The following ANKFN1 variants were observed in gnomAD, a reference collection of about 807,000 sequenced individuals.
The protein encoded by ANKFN1 is ankyrin repeat and fibronectin type-III domain-containing protein 1.
Under a neutral mutation model 108.7 loss-of-function variants are expected in ANKFN1, and 74 were observed. The observed-to-expected ratio is 0.68, with a 90% CI of 0.56 to 0.83. ANKFN1 has a LOEUF of 0.83. ANKFN1 is among the 40% of genes least tolerant of loss of function. The probability of loss-of-function intolerance (pLI) is 0.00; values close to 1 mark genes in which losing one functional copy is unlikely to be tolerated. For synonymous variants in ANKFN1, 547 were observed against 516.2 expected (o/e 1.06, Z -0.81); for missense variants, 1,505 against 1,382.3 (o/e 1.09, Z -1.41).
chr17:56,503,520 T>G (rs1272990467), intron 20 of ANKFN1, among the ~76,000 whole-genome samples: 3 of 116,208 alleles, frequency 2.6e-5, no homozygotes, highest in East Asian at 2.7e-4. Flanking sequence ...TATATATATA[T>G]ATATATATAG....
chr17:56,250,399 A>G (rs1049023303), intron 3 of ANKFN1, among the ~76,000 whole-genome samples: 1 of 152,240 alleles, frequency 6.6e-6, no homozygotes, highest in African/African-American at 2.4e-5. Flanking sequence ...TGCCATAGGC[A>G]CACTAGGGGA....
intron 1 of ANKFN1, among the ~76,000 whole-genome samples, chr17:56,198,703 C>T (rs1017338269): frequency 2.0e-5 from 3 of 152,060 alleles, no homozygotes; most frequent in South Asian, 2.1e-4. Context: ...CTATTTATAA[C>T]GCCTTTTCTT....
At position 56,374,593 on chromosome 17, in the gene ANKFN1, T is replaced by G. The variant is rs750043753; in HGVS notation, c.797-8T>G. On this transcript the variant is annotated splice_region_variant and splice_polypyrimidine_tract_variant and intron_variant, in intron 7 of 20. Transcript: ENST00000682825. ...GTTAAGATCCTTGTGTTTTTCCTTC[T>G]GTCCCAGGAGCCCCTGAGATGCCAA... 1.9e-6 allele frequency: 3 copies of G among 1,603,410 alleles called. No individual in the cohort carries two copies. The highest frequency in any genetic ancestry group is 2.7e-5 in the African/African-American group (2 of 74,616).
At chr17:56,277,595 TA>T (rs1443743534) in intron 3 of ANKFN1, among the ~76,000 whole-genome samples, 1 of 152,058 alleles carries the variant, frequency 6.6e-6, no homozygotes, top group African/African-American at 2.4e-5. Context: ...CATTAAAGAT[TA>T]AAAAACTGGT....
At chr17:56,079,867 A>AGTTG (rs1905224701) in intron 4 of ANKFN1, among the ~76,000 whole-genome samples, 1 of 152,216 alleles carries the variant, frequency 6.6e-6, no homozygotes, top group Non-Finnish European at 1.5e-5. Context: ...AACCTCTGTA[A>AGTTG]GGTGGGAGGT....
chr17:56,390,698 A>T (rs577847825), intron 8 of ANKFN1, among the ~76,000 whole-genome samples: 13 of 152,188 alleles, frequency 8.5e-5, no homozygotes, highest in African/African-American at 3.1e-4. Context: ...CCACATCCTC[A>T]CCAGCATCTG....
Position 56,147,696 on chromosome 17 carries a change from C to A in ANKFN1, c.289-80221C>A, listed in dbSNP as rs187625640. 1.1e-3 allele frequency among the ~76,000 whole-genome samples: 164 copies of A among 152,224 alleles called. 3 individuals are homozygous for A. Among genetic ancestry groups the A allele is most frequent in the Non-Finnish European group, 3.4e-4 (23 of 68,002 alleles). On this transcript the variant is annotated intron_variant, in intron 4 of 12. Transcript: ENST00000635860. The stretch of plus-strand genomic sequence containing the variant: ...GATGAGATTTTGGTGGGGACACAGC[C>A]AAAATTTATCACTGTACTTTTCATT...
chr17:56,510,812 G>A lies in ANKFN1; in HGVS notation c.2984G>A (p.Gly995Asp), dbSNP rs1003052097. ...GTGTCCGGTGGGCGGCCCCCGCTAG[G>A]CTTCCTGGGAAAGCGGAAGCCAGGC... ...KTVSGGRPPL[G>D]FLGKRKPGKH... The change falls in exon 21 of 21, where the codon GGC (glycine) becomes GAC (aspartate). Residue 995 changes from glycine (G) to aspartate (D), a missense_variant. Physicochemically the swap from Gly to Asp is moderately conservative, Grantham distance 94. Transcript: ENST00000682825. 1.3e-6 allele frequency: 2 copies of A among 1,536,090 alleles called. No homozygotes were observed. The highest frequency in any genetic ancestry group is 1.7e-6 in the Non-Finnish European group (2 of 1,146,892).
At position 56,051,990 on chromosome 17, in the gene ANKFN1, C is replaced by G. The variant is rs373930385; in HGVS notation, c.288+5665C>G. Reference sequence around the variant, plus strand: ...AATCAATATCGTGAAAATGGCCATACTGCCCAAGGTAATTTACAGATTCAA... The same window carrying G: ...AATCAATATCGTGAAAATGGCCATAGTGCCCAAGGTAATTTACAGATTCAA... On this transcript the variant is annotated intron_variant, in intron 4 of 12. Coordinates refer to the ANKFN1 transcript ENST00000635860. Among the ~76,000 whole-genome samples the G allele has an allele frequency of 6.2e-5, 9 of 146,264 alleles. No individual in the cohort carries two copies. In the East Asian group the frequency reaches 8.1e-4, roughly 13 times the overall value.
chr17:56,489,450 TAAAA>T (rs79704215), intron 18 of ANKFN1, among the ~76,000 whole-genome samples: 20 of 140,170 alleles, frequency 1.4e-4, no homozygotes, highest in African/African-American at 4.4e-4. Flanking sequence ...GGTCTGGATT[TAAAA>T]AAAAAAAAAA....
intron 3 of ANKFN1, among the ~76,000 whole-genome samples, chr17:56,312,953 A>G (rs1045249413): frequency 1.6e-4 from 25 of 152,060 alleles, no homozygotes; most frequent in Non-Finnish European, 3.2e-4. Flanking sequence ...TCAGGAGTTC[A>G]AGACCAGCCT....
intron 3 of ANKFN1, among the ~76,000 whole-genome samples, chr17:56,287,735 AT>A (rs2144287127): frequency 6.6e-6 from 1 of 152,348 alleles, no homozygotes; most frequent in South Asian, 2.1e-4. Flanking sequence ...AAGTTTGTAA[AT>A]GAAACCTTAA....
chr17:56,199,342 T>G (rs1490279499), intron 1 of ANKFN1, among the ~76,000 whole-genome samples: 2 of 152,150 alleles, frequency 1.3e-5, no homozygotes, highest in African/African-American at 4.8e-5. Flanking sequence ...CTCTCTTCTA[T>G]TCCAACATTT....
At chr17:56,399,842 T>TA (rs1567972920) in intron 8 of ANKFN1, among the ~76,000 whole-genome samples, 1,561 of 42,482 alleles carry the variant, frequency 0.037, 8 homozygotes, top group African/African-American at 0.081. Context: ...TATTCCATTT[T>TA]TTATATATAT....
chr17:56,419,657 C>T (rs920997394), intron 8 of ANKFN1, among the ~76,000 whole-genome samples: 1 of 151,548 alleles, frequency 6.6e-6, no homozygotes, highest in African/African-American at 2.4e-5. Flanking sequence ...AAAAATCAGC[C>T]AGCCATGGTG....
At chr17:56,123,791 CTGAT>C (rs1468445701) in intron 4 of ANKFN1, among the ~76,000 whole-genome samples, 1 of 138,206 alleles carries the variant, frequency 7.2e-6, no homozygotes, top group Admixed American at 7.4e-5. Flanking sequence ...GTGTGCATGA[CTGAT>C]TGTGTGTGTG....
chr17:56,383,366 A>G (rs562099203), intron 8 of ANKFN1, among the ~76,000 whole-genome samples: 2 of 152,350 alleles, frequency 1.3e-5, no homozygotes, highest in African/African-American at 4.8e-5. Context: ...AAATGCCCCC[A>G]AGAGAAAGCA....
At chr17:56,309,940 C>T (rs1261253224) in intron 3 of ANKFN1, among the ~76,000 whole-genome samples, 1 of 152,122 alleles carries the variant, frequency 6.6e-6, no homozygotes, top group African/African-American at 2.4e-5. Flanking sequence ...GTGAATAGCA[C>T]GGGCGTTGTG....
Position 56,386,691 on chromosome 17 carries a change from C to A in ANKFN1, c.910+11977C>A, listed in dbSNP as rs550546874. On this transcript the variant is annotated intron_variant, in intron 8 of 20. Transcript: ENST00000682825. ...TGTTCGACAAGAATCAATGTGAATT[C>A]AGTTCCTACTATACTGTGAATAGTA... 2.1e-5 allele frequency among the ~76,000 whole-genome samples: 3 copies of A among 144,816 alleles called. No individual in the cohort carries two copies. The South Asian group carries it at 6.7e-4, about 32-fold the overall frequency.
Sources: allele counts gnomAD v4.1 joint callset (sites outside exome capture counted in the v4.1 genomes callset), GRCh38; gene constraint gnomAD v4.1.1; transcripts MANE v1.5; gene names NCBI Gene and HGNC (gene_info 2026-07-23, HGNC 2026-07-21).